The following MAP3K9 variants were observed in gnomAD, a reference collection of about 807,000 sequenced individuals.
MAP3K9 encodes mitogen-activated protein kinase kinase kinase 9.
A neutral mutation model predicts 95.8 loss-of-function variants in MAP3K9; 46 were observed. The ratio of observed to expected loss-of-function variants is 0.48; its 90% confidence interval spans 0.38 to 0.61. The LOEUF is 0.61. Ranked by LOEUF, MAP3K9 falls within the 20% of genes least tolerant of loss-of-function variation. The pLI, the probability that MAP3K9 is intolerant of heterozygous loss-of-function variation, is 0.00. For missense variants in MAP3K9, 1,296 were observed against 1,474.3 expected (o/e 0.88, Z 1.98); for synonymous variants, 533 against 593.8 (o/e 0.90, Z 1.49).
chr14:70,775,959 C>T (rs991668881), intron 2 of MAP3K9, among the ~76,000 whole-genome samples: 12 of 152,048 alleles, frequency 7.9e-5, no homozygotes, highest in Admixed American at 6.5e-4. Context: ...GAGGCCGAGG[C>T]GGGTGGATCA....
At position 70,730,443 on chromosome 14, in the gene MAP3K9, G is replaced by A; in HGVS notation, c.3252C>T (p.Cys1084=). 6.2e-7 allele frequency: 1 copy of A among 1,614,208 alleles called. No homozygotes were observed. Among genetic ancestry groups the A allele is most frequent in the East Asian group, 2.2e-5 (1 of 44,890 alleles). ...GCCTGTGTGTGTTCAGTTCCGCTCT[G>A]CACAGCGGCACGGTGCTGTCCTGAC... is the stretch of plus-strand genomic sequence containing the variant. ...GQSQDSTVPL[C]RAELNTHRPA... The change falls in exon 12 of 12, where the codon TGC becomes TGT. Residue 1084 remains cysteine, a synonymous_variant. Coordinates refer to ENST00000554752, the MANE Select transcript of MAP3K9 (RefSeq NM_001284230.2).
intron 2 of MAP3K9, among the ~76,000 whole-genome samples, chr14:70,791,247 C>T (rs576947501): frequency 1.1e-4 from 16 of 152,334 alleles, no homozygotes; most frequent in Non-Finnish European, 1.9e-4. Flanking sequence ...CTCACCAAGG[C>T]TGTTTTCTGC....
At chr14:70,784,185 AG>A (rs1489747309) in intron 2 of MAP3K9, among the ~76,000 whole-genome samples, 1 of 152,152 alleles carries the variant, frequency 6.6e-6, no homozygotes, top group Non-Finnish European at 1.5e-5. Context: ...TGAGAGGCTG[AG>A]GCAGGAGAAT....
chr14:70,734,345 G>C, intron 10 of MAP3K9, 41 bp downstream of exon 10: 2 of 1,402,130 alleles, frequency 1.4e-6, no homozygotes, highest in South Asian at 2.3e-5. Flanking sequence ...CCCCCAGGGA[G>C]CAGGGAGACA....
chr14:70,737,505 CCCA>C (rs1460834923), intron 8 of MAP3K9, among the ~76,000 whole-genome samples: 4 of 152,194 alleles, frequency 2.6e-5, no homozygotes, highest in Admixed American at 6.5e-5. Flanking sequence ...AGGACTCAAG[CCCA>C]CGAGTGAGAA....
intron 3 of MAP3K9, among the ~76,000 whole-genome samples, chr14:70,760,151 A>G (rs1049327501): frequency 2.0e-5 from 3 of 149,800 alleles, no homozygotes; most frequent in Non-Finnish European, 3.0e-5. Flanking sequence ...GCACACACAC[A>G]CACACACACA....
At chr14:70,799,314 C>G (rs1284248620) in intron 2 of MAP3K9, among the ~76,000 whole-genome samples, 1 of 151,830 alleles carries the variant, frequency 6.6e-6, no homozygotes, top group Non-Finnish European at 1.5e-5. Flanking sequence ...CACCCCACCA[C>G]TACTTACATA....
chr14:70,741,460 C>T (rs923817310), intron 6 of MAP3K9, among the ~76,000 whole-genome samples: 3 of 152,158 alleles, frequency 2.0e-5, no homozygotes, highest in African/African-American at 7.2e-5. Flanking sequence ...ATATCTTTAT[C>T]TACATCAACA....
At chr14:70,793,301 C>T (rs187373926) in intron 2 of MAP3K9, among the ~76,000 whole-genome samples, 7 of 152,342 alleles carry the variant, frequency 4.6e-5, no homozygotes, top group Non-Finnish European at 8.8e-5. Flanking sequence ...AATGTACTGT[C>T]ACAACACCAC....
chr14:70,757,344 C>G (rs192991050), intron 3 of MAP3K9, among the ~76,000 whole-genome samples: 1 of 151,732 alleles, frequency 6.6e-6, no homozygotes, highest in Admixed American at 6.6e-5. Flanking sequence ...GCCTGTAGCT[C>G]CAGCCACTTA....
At chr14:70,781,979 T>C (rs907181749) in intron 2 of MAP3K9, among the ~76,000 whole-genome samples, 14 of 152,252 alleles carry the variant, frequency 9.2e-5, no homozygotes, top group Non-Finnish European at 2.1e-4. Flanking sequence ...CACTTGGCTC[T>C]GTCTGAGCTG....
chr14:70,748,336 T>C (rs1271414508), intron 5 of MAP3K9, among the ~76,000 whole-genome samples: 1 of 151,956 alleles, frequency 6.6e-6, no homozygotes, highest in Non-Finnish European at 1.5e-5. Context: ...AGGCTAGGAG[T>C]CTCTGAACTC....
At position 70,770,082 on chromosome 14, in the gene MAP3K9, C is replaced by A. The variant is rs184391961; in HGVS notation, c.821-8900G>T. ...TCCTGGGAAAGTTGATAGGCAAGAT[C>A]ATGAACAAGTCCTGGAAACACAGGG... On this transcript the variant is annotated intron_variant, in intron 2 of 11. Transcript: ENST00000554752. 4.9e-4 allele frequency among the ~76,000 whole-genome samples: 74 copies of A among 152,278 alleles called. 1 individual carries two copies. Among genetic ancestry groups the A allele is most frequent in the African/African-American group, 1.7e-3 (72 of 41,558 alleles).
At chr14:70,764,844 A>G (rs2054427507) in intron 2 of MAP3K9, among the ~76,000 whole-genome samples, 1 of 152,164 alleles carries the variant, frequency 6.6e-6, no homozygotes, top group African/African-American at 2.4e-5. Flanking sequence ...CTCAAAAACA[A>G]ACAAACAACA....
At chr14:70,796,333 A>G (rs1818683911) in intron 2 of MAP3K9, among the ~76,000 whole-genome samples, 1 of 152,218 alleles carries the variant, frequency 6.6e-6, no homozygotes, top group Non-Finnish European at 1.5e-5. Context: ...GATGTGGTAA[A>G]GTAGTATAAA....
chr14:70,725,406 T>A lies in MAP3K9; in HGVS notation c.*4974A>T, dbSNP rs926076410. 5.9e-5 allele frequency: 9 copies of A among 152,232 alleles called. No individual in the cohort carries two copies. The highest frequency in any genetic ancestry group is 1.0e-4 in the Non-Finnish European group (7 of 68,034). The allele number at this position is 152,232 out of a possible 1,614,324, so 9.4% of individuals were successfully genotyped here. A position where few individuals can be genotyped will look rare whatever the true frequency, so the allele number is the denominator to read the frequency against. On this transcript the variant is annotated 3_prime_UTR_variant, in exon 12 of 12. Transcript: ENST00000554752. ...AGAGGAAGTCCATAAGAGACTCACC[T>A]GGCCTGCACGGCTAACCATAAGTCC...
At position 70,800,774 on chromosome 14, in the gene MAP3K9, G is replaced by T. The variant is rs961113927; in HGVS notation, c.713C>A (p.Pro238His). The part of the protein sequence containing the change: ...LNRVLSGKRI[P>H]PDILVNWAVQ... ...AGCCCAATTCACCAGGATGTCTGGG[G>T]GAATCCTTTTCCCAGATAACACTCT... The change falls in exon 2 of 12, where the codon CCC becomes CAC. Residue 238 changes from proline to histidine, a missense_variant. Pro to His is a moderately conservative substitution (Grantham distance 77). This residue lies in a region of MAP3K9 where 338 missense variants were observed against 363.4 expected (regional missense o/e 0.93). Transcript: ENST00000554752. The T allele has an allele frequency of 1.9e-6, 3 of 1,614,088 alleles. No homozygotes were observed. Among genetic ancestry groups the T allele is most frequent in the Non-Finnish European group, 2.5e-6 (3 of 1,180,000 alleles).
At chr14:70,775,826 T>C (rs2054590263) in intron 2 of MAP3K9, among the ~76,000 whole-genome samples, 1 of 152,212 alleles carries the variant, frequency 6.6e-6, no homozygotes. Context: ...ACCTGAGTCT[T>C]ATTTCATATC....
intron 2 of MAP3K9, among the ~76,000 whole-genome samples, chr14:70,773,498 T>C (rs1396751358): frequency 6.6e-6 from 1 of 152,206 alleles, no homozygotes; most frequent in Non-Finnish European, 1.5e-5. Flanking sequence ...CCCATAGTAA[T>C]GGAACCCACA....
Sources: gnomAD v4.1 joint callset for allele counts (sites outside exome capture counted in the v4.1 genomes callset) on GRCh38, gnomAD v4.1.1 for gene constraint, gnomAD v4.1.1 regional missense constraint, MANE v1.5 for transcripts, NCBI Gene and HGNC (gene_info 2026-07-23, HGNC 2026-07-21) for gene names.